The following ALG1 variants were observed in gnomAD, a reference collection of about 807,000 sequenced individuals.
ALG1 encodes the protein chitobiosyldiphosphodolichol beta-mannosyltransferase.
ALG1 carries 58 observed loss-of-function variants against 55.1 expected under a neutral mutation model. The ratio of observed to expected loss-of-function variants is 1.05; its 90% CI spans 0.85 to 1.31. The LOEUF (loss-of-function observed/expected upper bound fraction) is 1.31. Ranked by LOEUF, ALG1 falls within the 50% of genes most tolerant of loss-of-function variation. The pLI is 0.00. For synonymous variants in ALG1, 309 were observed against 247.0 expected (o/e 1.25, Z -2.35); for missense variants, 761 against 598.6 (o/e 1.27, Z -2.83).
At chr16:5,082,336 A>C (rs1957029897) in intron 10 of ALG1, among the ~76,000 whole-genome samples, 1 of 151,980 alleles carries the variant, frequency 6.6e-6, no homozygotes, top group Non-Finnish European at 1.5e-5. Flanking sequence ...ACAACAACAA[A>C]AAAACCAAAT....
At chr16:5,083,163 A>G (rs1156743888) in intron 11 of ALG1, among the ~76,000 whole-genome samples, 1 of 152,116 alleles carries the variant, frequency 6.6e-6, no homozygotes, top group Non-Finnish European at 1.5e-5. Context: ...GGTGTTTGGA[A>G]GGGCAGTGTT....
chr16:5,073,176 G>A lies in ALG1; in HGVS notation c.310G>A (p.Gly104Arg), dbSNP rs992880561. The part of the protein sequence containing the change: ...LAVGPRVFQY[G>R]VKVVLQAMYL... ...AGTTGGGCCCCGAGTTTTCCAGTACGGAGTCAAAGTTGTACTTCAGGCTAT... is the reference window on the plus strand; with the variant it reads ...AGTTGGGCCCCGAGTTTTCCAGTACAGAGTCAAAGTTGTACTTCAGGCTAT... Residue 104 changes from glycine (G) to arginine (R), a missense_variant, in exon 3 of 13, where the codon GGA becomes AGA. Gly to Arg is a moderately radical substitution (Grantham distance 125). Coordinates refer to ENST00000262374, the MANE Select transcript of ALG1 (RefSeq NM_019109.5). The A allele has an allele frequency of 5.0e-6, 8 of 1,614,188 alleles. No homozygotes were observed. The highest frequency in any genetic ancestry group is 1.6e-4 in the Middle Eastern group (1 of 6,062).
intron 4 of ALG1, 110 bp from the exon 5 acceptor site, chr16:5,077,335 C>G: frequency 1.0e-6 from 1 of 978,888 alleles, no homozygotes; most frequent in Non-Finnish European, 1.6e-6. Flanking sequence ...TCAGGGAGCT[C>G]AAACTCTCCC....
intron 8 of ALG1, among the ~76,000 whole-genome samples, chr16:5,079,487 C>T (rs1479707430): frequency 2.6e-5 from 4 of 152,116 alleles, no homozygotes; most frequent in Non-Finnish European, 5.9e-5. Context: ...GTCAGGAGTT[C>T]GAGACCAACC....
At chr16:5,072,556 A>G (rs1596251530) in intron 1 of ALG1, among the ~76,000 whole-genome samples, 2 of 152,186 alleles carry the variant, frequency 1.3e-5, no homozygotes, top group East Asian at 3.8e-4. Flanking sequence ...ACCCCATCTC[A>G]GGAAGAAGTG....
At position 5,084,024 on chromosome 16, in the gene ALG1, C is replaced by T. The variant is rs180813854; in HGVS notation, c.1263+267C>T. Among the ~76,000 whole-genome samples the T allele has an allele frequency of 5.9e-5, 9 of 152,248 alleles. No individual in the cohort carries two copies. In the East Asian group the frequency reaches 1.2e-3, roughly 20 times the overall value. ...CAAATGATGCTGGAGCTGGGTGGGCCGGGCTGCGGTTGAGGAAGTGATCAG... is the reference window on the plus strand; with the variant it reads ...CAAATGATGCTGGAGCTGGGTGGGCTGGGCTGCGGTTGAGGAAGTGATCAG... On this transcript the variant is annotated intron_variant, in intron 12 of 12. Coordinates refer to ENST00000262374, the MANE Select transcript of ALG1 (RefSeq NM_019109.5).
chr16:5,073,304 T>C (rs759749732), intron 3 of ALG1, 48 bp downstream of exon 3: 3 of 1,550,464 alleles, frequency 1.9e-6, no homozygotes, highest in South Asian at 2.2e-5. Flanking sequence ...GTTAGCAGTT[T>C]ACTTTCCAGC....
At chr16:5,073,894 T>A (rs940324987) in intron 3 of ALG1, among the ~76,000 whole-genome samples, 3 of 152,068 alleles carry the variant, frequency 2.0e-5, no homozygotes, top group African/African-American at 7.2e-5. Context: ...TTTGTATTTT[T>A]AGTAGAAATG....
intron 10 of ALG1, 41 bp from the exon 11 acceptor site, chr16:5,082,518 G>A (rs1291342877): frequency 1.9e-6 from 3 of 1,601,202 alleles, no homozygotes; most frequent in Non-Finnish European, 2.6e-6. Context: ...GTGTTCCCAG[G>A]GCAGAGACCA....
intron 10 of ALG1, among the ~76,000 whole-genome samples, chr16:5,081,392 G>A (rs545102254): frequency 4.6e-5 from 7 of 152,254 alleles, no homozygotes; most frequent in Non-Finnish European, 8.8e-5. Flanking sequence ...GGGACGATGT[G>A]TCAAACAGCG....
In ALG1 at chr16:5,078,784, G is replaced by A. The variant is rs1231452889; in HGVS notation, c.768G>A (p.Glu256=). Residue 256 remains glutamate, a synonymous_variant, in exon 7 of 13, where the codon GAG becomes GAA. Transcript: ENST00000262374. ...CAGAACCTGAGGACCCAGTCACGGA[G>A]CGGTCGGCCTTCACGGAGCGGGATG... ...ARSEPEDPVT[E]RSAFTERDAG... 3 of 1,612,806 alleles carry A rather than the reference G, an allele frequency of 1.9e-6. No homozygotes were observed. The highest frequency in any genetic ancestry group is 2.5e-6 in the Non-Finnish European group (3 of 1,179,804).
At chr16:5,072,291 C>A in intron 1 of ALG1, 1 of 1,434,466 alleles carries the variant, frequency 7.0e-7, no homozygotes, top group Non-Finnish European at 9.1e-7. Context: ...CGTGGTCTCA[C>A]GTAATTCTCC....
chr16:5,079,855 G>C (rs753259111), intron 9 of ALG1, 48 bp downstream of exon 9: 9 of 1,586,988 alleles, frequency 5.7e-6, no homozygotes, highest in Middle Eastern at 2.3e-4. Flanking sequence ...GATGGCGGAG[G>C]GGGAGGGGCA....
rs767455250 is a variant in ALG1, at chr16:5,071,878, C to G, written c.29C>G (p.Ala10Gly). Residue 10 changes from alanine (A) to glycine (G), a missense_variant, in exon 1 of 13, where the codon GCG (alanine) becomes GGG (glycine). Transcript: ENST00000262374. The part of the protein sequence containing the change: MAASCLVLL[A>G]LCLLLPLLLL... ...GCGGCCTCATGCTTGGTCCTGCTGGCGCTGTGTCTGCTGCTGCCGCTGCTG... is the reference window on the plus strand; with the variant it reads ...GCGGCCTCATGCTTGGTCCTGCTGGGGCTGTGTCTGCTGCTGCCGCTGCTG... 6.2e-6 allele frequency: 10 copies of G among 1,604,222 alleles called. No individual in the cohort carries two copies. The highest frequency in any genetic ancestry group is 8.5e-6 in the Non-Finnish European group (10 of 1,177,624).
At chr16:5,077,320 G>T in intron 4 of ALG1, 125 bp from the exon 5 acceptor site, 1 of 821,692 alleles carries the variant, frequency 1.2e-6, no homozygotes, top group South Asian at 1.4e-5. Context: ...TGGCACAGCT[G>T]GGGCTCAGGG....
chr16:5,083,227 C>T (rs1360725218), intron 11 of ALG1, among the ~76,000 whole-genome samples: 1 of 152,154 alleles, frequency 6.6e-6, no homozygotes, highest in Non-Finnish European at 1.5e-5. Context: ...TTGGCCCCTG[C>T]TCAGGAGCCG....
intron 12 of ALG1, 33 bp downstream of exon 12, chr16:5,083,790 A>G: frequency 6.3e-7 from 1 of 1,597,398 alleles, no homozygotes; most frequent in Non-Finnish European, 8.5e-7. Context: ...CAGGGTGGGG[A>G]GGGTTCTGGA....
chr16:5,082,094 C>T (rs1271865008), intron 10 of ALG1, among the ~76,000 whole-genome samples: 2 of 151,624 alleles, frequency 1.3e-5, no homozygotes, highest in African/African-American at 2.4e-5. Flanking sequence ...AGGCGCCTGC[C>T]ACGATGCTTG....
intron 4 of ALG1, 137 bp downstream of exon 4, chr16:5,075,673 C>T: frequency 9.2e-7 from 1 of 1,086,158 alleles, no homozygotes; most frequent in East Asian, 2.5e-5. Context: ...GTGAATCAGG[C>T]CGAATGCTGG....
Sources: allele counts gnomAD v4.1 joint callset (sites outside exome capture counted in the v4.1 genomes callset), GRCh38; gene constraint gnomAD v4.1.1; transcripts MANE v1.5; gene names NCBI Gene and HGNC (gene_info 2026-07-23, HGNC 2026-07-21).